FKBP5: variants seen among roughly 807,000 people sequenced by gnomAD.
The protein encoded by FKBP5 is peptidyl-prolyl cis-trans isomerase FKBP5.
A neutral mutation model predicts 50.5 loss-of-function variants in FKBP5; 23 were observed. The observed-to-expected ratio is 0.46, with a 90% confidence interval of 0.33 to 0.65. The LOEUF (loss-of-function observed/expected upper bound fraction) is 0.65. FKBP5 is among the 30% of genes least tolerant of loss of function. The pLI is 0.02. For missense variants in FKBP5, 411 were observed against 553.1 expected, an observed-to-expected ratio of 0.74 and a Z score of 2.58; for synonymous variants, 176 against 190.6, an observed-to-expected ratio of 0.92 and a Z score of 0.63.
chr6:35,727,379 A>C (rs966169166), intron 1 of FKBP5, among the ~76,000 whole-genome samples: 3 of 152,234 alleles, frequency 2.0e-5, no homozygotes, highest in African/African-American at 7.2e-5. Flanking sequence ...GGAGCTAAAC[A>C]CAGGGAAGGG....
intron 2 of FKBP5, among the ~76,000 whole-genome samples, chr6:35,699,453 C>T (rs774042289): frequency 4.6e-5 from 7 of 152,112 alleles, no homozygotes; most frequent in South Asian, 2.1e-4. Context: ...TATCTGGGGA[C>T]GACCAAGGTT....
intron 1 of FKBP5, among the ~76,000 whole-genome samples, chr6:35,669,045 A>C (rs1202954809): frequency 6.6e-6 from 1 of 152,234 alleles, no homozygotes; most frequent in Non-Finnish European, 1.5e-5. Context: ...CTTTTCAAAA[A>C]AAGTTTGATC....
upstream of FKBP5, among the ~76,000 whole-genome samples, chr6:35,693,203 C>T (rs530931827): frequency 3.3e-4 from 43 of 130,060 alleles, no homozygotes; most frequent in East Asian, 9.4e-3. Context: ...GGCTCTGTTG[C>T]CCAGGCTGGA....
chr6:35,642,796 T>C lies in FKBP5; in HGVS notation c.29A>G (p.Asn10Ser). ...AACAGTGGCTGTGGGGCTTTCTTCA[T>C]TGTTCTTGGCACCTTCATCAGTAGT... is the stretch of plus-strand genomic sequence containing the variant. MTTDEGAKN[N>S]EESPTATVAE... The change falls in exon 2 of 11, where the codon AAT becomes AGT. Residue 10 changes from asparagine to serine, a missense_variant. Physicochemically the swap from Asn to Ser is conservative, Grantham distance 46. Around this residue, in one of 3 missense-constraint regions of FKBP5, gnomAD observed 56 missense variants for 58.2 expected, o/e 0.96. Coordinates refer to ENST00000357266, the MANE Select transcript of FKBP5 (RefSeq NM_004117.4). 2 of 1,614,020 alleles carry C rather than the reference T, an allele frequency of 1.2e-6. No individual in the cohort carries two copies. The highest frequency in any genetic ancestry group is 1.7e-6 in the Non-Finnish European group (2 of 1,179,962).
At chr6:35,680,403 C>T (rs1390146284) in intron 1 of FKBP5, among the ~76,000 whole-genome samples, 1 of 152,204 alleles carries the variant, frequency 6.6e-6, no homozygotes, top group African/African-American at 2.4e-5. Flanking sequence ...GCACTCCAGA[C>T]TGGGCAACAG....
chr6:35,672,119 C>T (rs1324794269), intron 1 of FKBP5, among the ~76,000 whole-genome samples: 2 of 152,150 alleles, frequency 1.3e-5, no homozygotes, highest in African/African-American at 4.8e-5. Context: ...CCGCCCACCT[C>T]GGCCTCCCAA....
chr6:35,574,462 C>T lies in FKBP5; in HGVS notation c.*1373G>A, dbSNP rs976117125. 1.3e-5 allele frequency: 2 copies of T among 152,190 alleles called. No homozygotes were observed. The highest frequency in any genetic ancestry group is 4.8e-5 in the African/African-American group (2 of 41,444). 9.4% of individuals were successfully genotyped at this position (152,190 alleles called of 1,614,324 possible). ...GAGAGCCATGCTCAATCTGTTTACC[C>T]GTAAGGACTGAAATTCAACTACATG... is the stretch of plus-strand genomic sequence containing the variant. On this transcript the variant is annotated 3_prime_UTR_variant, in exon 11 of 11. Transcript: ENST00000357266.
chr6:35,695,501 T>C (rs1379846320), intron 2 of FKBP5, among the ~76,000 whole-genome samples: 3 of 152,076 alleles, frequency 2.0e-5, no homozygotes, highest in Non-Finnish European at 4.4e-5. Context: ...ATACTGGAGG[T>C]TCTATCCAGG....
intron 3 of FKBP5, among the ~76,000 whole-genome samples, chr6:35,620,838 A>ACATT (rs1227379002): frequency 6.6e-6 from 1 of 152,240 alleles, no homozygotes; most frequent in Non-Finnish European, 1.5e-5. Context: ...ACTGGTGGTA[A>ACATT]CATTATCCAT....
chr6:35,726,222 T>G (rs1212478162), intron 1 of FKBP5, among the ~76,000 whole-genome samples: 1 of 152,118 alleles, frequency 6.6e-6, no homozygotes, highest in African/African-American at 2.4e-5. Context: ...TTCACCAGGG[T>G]GGGACCAGAG....
intron 2 of FKBP5, among the ~76,000 whole-genome samples, chr6:35,640,126 C>T (rs1438244366): frequency 6.6e-6 from 1 of 152,186 alleles, no homozygotes; most frequent in East Asian, 1.9e-4. Flanking sequence ...AGTCATGCAT[C>T]GCTTAAGGAC....
chr6:35,665,293 CTT>C (rs370647403), intron 1 of FKBP5, among the ~76,000 whole-genome samples: 29 of 142,672 alleles, frequency 2.0e-4, no homozygotes, highest in Non-Finnish European at 1.7e-4. Context: ...AAATGCTCCT[CTT>C]TTTTTTTTTT....
At chr6:35,702,653 C>T (rs918651626) in intron 2 of FKBP5, among the ~76,000 whole-genome samples, 1 of 151,788 alleles carries the variant, frequency 6.6e-6, no homozygotes, top group Non-Finnish European at 1.5e-5. Flanking sequence ...GAGGTTTCAC[C>T]GTGTTAGCCA....
At chr6:35,656,067 T>A (rs994407626) in intron 1 of FKBP5, among the ~76,000 whole-genome samples, 1 of 152,254 alleles carries the variant, frequency 6.6e-6, no homozygotes. Flanking sequence ...AAAAGTTTTA[T>A]GTAATACTGT....
At chr6:35,712,522 G>T (rs1766433266) in intron 2 of FKBP5, among the ~76,000 whole-genome samples, 1 of 152,054 alleles carries the variant, frequency 6.6e-6, no homozygotes, top group South Asian at 2.1e-4. Flanking sequence ...GTTGGGCCTG[G>T]CACTAGGAAA....
chr6:35,575,856 CTCT>C lies in FKBP5; in HGVS notation c.1350_1352del (p.Glu451del), dbSNP rs1263812768. ...GGCGTCATACGTGGCCCTCAGGTTT[CTCT>C]TCTTCCATTGCTTGACTGTCTGTTC... On this transcript the variant is annotated inframe_deletion, in exon 11 of 11. Transcript: ENST00000357266. The C allele has an allele frequency of 6.2e-7, 1 of 1,613,690 alleles. No homozygotes were observed. Among genetic ancestry groups the C allele is most frequent in the Non-Finnish European group, 8.5e-7 (1 of 1,179,686 alleles).
At chr6:35,702,830 C>T (rs6902321) in intron 2 of FKBP5, among the ~76,000 whole-genome samples, 103,793 of 151,930 alleles carry the variant, frequency 0.68, 35,388 homozygotes, top group East Asian at 0.72. Context: ...AAACCAAAAG[C>T]TCTAACATTA....
intron 2 of FKBP5, among the ~76,000 whole-genome samples, chr6:35,717,937 G>C (rs2766534): frequency 6.6e-6 from 1 of 151,956 alleles, no homozygotes; most frequent in Non-Finnish European, 1.5e-5. Flanking sequence ...AAAAGGGGCA[G>C]GTGAAAGTGT....
At chr6:35,585,937 C>T (rs752277454) in intron 8 of FKBP5, 12 of 983,982 alleles carry the variant, frequency 1.2e-5, no homozygotes, top group African/African-American at 3.5e-5. Flanking sequence ...CATTGCCACT[C>T]CTCCCTCCTG....
Sources: gnomAD v4.1 joint callset for allele counts (sites outside exome capture counted in the v4.1 genomes callset) on GRCh38, gnomAD v4.1.1 for gene constraint, gnomAD v4.1.1 regional missense constraint, MANE v1.5 for transcripts, NCBI Gene and HGNC (gene_info 2026-07-23, HGNC 2026-07-21) for gene names.